The following ACSF3 variants were observed in gnomAD, a reference collection of about 807,000 sequenced individuals.
ACSF3 encodes the protein malonate--CoA ligase ACSF3, mitochondrial.
A neutral mutation model predicts 53.2 loss-of-function variants in ACSF3; 78 were observed. The observed-to-expected ratio is 1.47, with a 90% CI of 1.22 to 1.77. The LOEUF (loss-of-function observed/expected upper bound fraction) is 1.77, where lower values mean the gene tolerates loss of function less well. Among genes scored for constraint, ACSF3 ranks in the 40% most tolerant of loss-of-function variants. ACSF3 has a pLI of 0.00. For missense variants in ACSF3, 937 were observed against 771.1 expected, an observed-to-expected ratio of 1.22 and a Z score of -2.55; for synonymous variants, 414 against 333.1, an observed-to-expected ratio of 1.24 and a Z score of -2.65.
chr16:89,127,261 T>C (rs1430669099), intron 7 of ACSF3, among the ~76,000 whole-genome samples: 1 of 152,148 alleles, frequency 6.6e-6, no homozygotes, highest in Non-Finnish European at 1.5e-5. Flanking sequence ...CTCCTCTTTT[T>C]TTTTCTGGAA....
chr16:89,135,623 G>A (rs540350622), intron 8 of ACSF3, among the ~76,000 whole-genome samples: 8 of 152,344 alleles, frequency 5.3e-5, no homozygotes, highest in Admixed American at 2.6e-4. Context: ...CCCCATTAGC[G>A]CATGCTGATC....
chr16:89,151,261 A>C (rs1287572416), intron 10 of ACSF3: 1 of 449,780 alleles, frequency 2.2e-6, no homozygotes, highest in South Asian at 1.6e-5. Context: ...ACCAATTTAA[A>C]ACTGCAAAGC....
At chr16:89,150,762 C>G (rs973931969) in intron 10 of ACSF3, 1 of 352,510 alleles carries the variant, frequency 2.8e-6, no homozygotes, top group Non-Finnish European at 5.5e-6. Flanking sequence ...GAGCCAGGCC[C>G]TTGCTGTCCA....
intron 8 of ACSF3, among the ~76,000 whole-genome samples, chr16:89,134,121 AG>A (rs373035749): frequency 3.5e-4 from 54 of 152,320 alleles, no homozygotes; most frequent in African/African-American, 1.3e-3. Context: ...ATGTGTTACT[AG>A]GGGGTCCTTG....
intron 8 of ACSF3, among the ~76,000 whole-genome samples, chr16:89,138,155 C>G (rs190435997): frequency 0.011 from 1,627 of 152,332 alleles, 18 homozygotes; most frequent in Non-Finnish European, 0.017. Flanking sequence ...TGGGGACCGG[C>G]AGTGTCGTGG....
Position 89,154,274 on chromosome 16 carries a change from G to T in ACSF3, c.*67G>T, listed in dbSNP as rs1280742677. On this transcript the variant is annotated 3_prime_UTR_variant, in exon 11 of 11. Coordinates refer to ENST00000614302, the MANE Select transcript of ACSF3 (RefSeq NM_001243279.3). ...CGTCCCCTTCACACCGAGAACCACG[G>T]GGGCCCGTCCAAGACCTGGCCTCCC... 3 of 1,490,630 alleles carry T rather than the reference G, an allele frequency of 2.0e-6. No individual in the cohort carries two copies. The South Asian group carries it at 3.4e-5, about 17-fold the overall frequency. The allele number at this position is 1,490,630 out of a possible 1,614,324, so 92.3% of individuals were successfully genotyped here. A position where few individuals can be genotyped will look rare whatever the true frequency, so the allele number is the denominator to read the frequency against.
intron 2 of ACSF3, 131 bp downstream of exon 2, chr16:89,098,894 G>GTAGCATCAT: frequency 2.5e-6 from 1 of 405,850 alleles, no homozygotes; most frequent in Non-Finnish European, 5.0e-6. Flanking sequence ...GTATTAGACG[G>GTAGCATCAT]TAGCATCATT....
intron 7 of ACSF3, among the ~76,000 whole-genome samples, chr16:89,132,652 G>A (rs1228813304): frequency 2.6e-5 from 4 of 152,266 alleles, no homozygotes; most frequent in African/African-American, 9.6e-5. Flanking sequence ...TGTGGAGGGC[G>A]CTGCCCGCTC....
chr16:89,136,606 A>G, intron 8 of ACSF3: 1 of 1,286,522 alleles, frequency 7.8e-7, no homozygotes, highest in African/African-American at 1.5e-5. Flanking sequence ...ACAGCCAGGG[A>G]TGGCTGGACA....
intron 4 of ACSF3, among the ~76,000 whole-genome samples, chr16:89,107,473 CCGTTT>C (rs1597920652): frequency 1.3e-5 from 2 of 152,132 alleles, no homozygotes; most frequent in African/African-American, 2.4e-5. Context: ...CACGCGTGCT[CCGTTT>C]TCCGTGCCTC....
intron 7 of ACSF3, among the ~76,000 whole-genome samples, chr16:89,121,868 G>A (rs553323222): frequency 2.0e-5 from 3 of 152,352 alleles, no homozygotes; most frequent in Admixed American, 2.0e-4. Context: ...GTGGTTGGAC[G>A]TTTTAGCTCC....
At chr16:89,112,657 A>C (rs947164771) in intron 5 of ACSF3, among the ~76,000 whole-genome samples, 3 of 148,568 alleles carry the variant, frequency 2.0e-5, no homozygotes, top group East Asian at 3.9e-4. Flanking sequence ...CTCTTTCTCT[A>C]TCTCTCCTGT....
At chr16:89,101,830 A>G (rs1315214503) in intron 3 of ACSF3, among the ~76,000 whole-genome samples, 4 of 152,238 alleles carry the variant, frequency 2.6e-5, no homozygotes, top group Admixed American at 2.0e-4. Context: ...GAAGCAATCA[A>G]GTAAAAATGA....
In ACSF3 at chr16:89,134,983, G is replaced by A. The variant is rs569919961; in HGVS notation, c.1366+1721G>A. ...GGACACACGTGGTTGTGTGGCTGCA[G>A]GTACTCACTGTAGTGTATTTATCCG... On this transcript the variant is annotated intron_variant, in intron 8 of 10. Transcript: ENST00000614302. 1.1e-3 allele frequency among the ~76,000 whole-genome samples: 172 copies of A among 152,254 alleles called. 1 individual carries two copies. The highest frequency in any genetic ancestry group is 6.4e-3 in the South Asian group (31 of 4,830).
At position 89,100,730 on chromosome 16, in the gene ACSF3, G is replaced by A; in HGVS notation, c.49G>A (p.Ala17Thr). The A allele has an allele frequency of 6.2e-7, 1 of 1,603,838 alleles. No individual in the cohort carries two copies. Among genetic ancestry groups the A allele is most frequent in the Admixed American group, 1.7e-5 (1 of 59,990 alleles). ...LTFRRLGCAL[A>T]SCRLAPARHR... ...CTTCCGGCGCCTGGGCTGCGCCTTG[G>A]CGTCCTGCCGGCTGGCGCCTGCGAG... The change falls in exon 3 of 11, where the codon GCG becomes ACG. Residue 17 changes from alanine to threonine, a missense_variant. Ala to Thr is a moderately conservative substitution (Grantham distance 58, BLOSUM62 0). Coordinates refer to ENST00000614302, the MANE Select transcript of ACSF3 (RefSeq NM_001243279.3).
At position 89,155,992 on chromosome 16, in the gene ACSF3, CGTTGACCAGCCG is replaced by C. The variant is rs1329588463; in HGVS notation, c.*1795_*1806del. On this transcript the variant is annotated 3_prime_UTR_variant, in exon 11 of 11. Transcript: ENST00000614302. ...CACAAACTACAGAAAGCCTGGAGCTCGTTGACCAGCCGGTTGACCAGAATACGGTGCTCCAAG... is the reference window on the plus strand; with the variant it reads ...CACAAACTACAGAAAGCCTGGAGCTCGTTGACCAGAATACGGTGCTCCAAG... 1.9e-5 allele frequency: 7 copies of C among 360,068 alleles called. No individual in the cohort carries two copies. The highest frequency in any genetic ancestry group is 6.5e-5 in the South Asian group (3 of 46,492). 22.3% of individuals were successfully genotyped at this position (360,068 alleles called of 1,614,324 possible).
At chr16:89,134,124 G>C (rs962831898) in intron 8 of ACSF3, among the ~76,000 whole-genome samples, 1 of 152,336 alleles carries the variant, frequency 6.6e-6, no homozygotes, top group East Asian at 1.9e-4. Flanking sequence ...TGTTACTAGG[G>C]GGTCCTTGCT....
At chr16:89,115,476 G>T (rs1218823213) in intron 6 of ACSF3, among the ~76,000 whole-genome samples, 1 of 152,228 alleles carries the variant, frequency 6.6e-6, no homozygotes, top group African/African-American at 2.4e-5. Context: ...AACTGCCTGT[G>T]CTGTGTGCGT....
chr16:89,147,541 G>GGCC (rs1913318547), intron 10 of ACSF3: 1 of 63,010 alleles, frequency 1.6e-5, no homozygotes, highest in Admixed American at 1.7e-4. Flanking sequence ...GGGGGGAGGG[G>GGCC]CCACAGAGCG....
Sources: allele counts gnomAD v4.1 joint callset (sites outside exome capture counted in the v4.1 genomes callset), GRCh38; gene constraint gnomAD v4.1.1; transcripts MANE v1.5; gene names NCBI Gene and HGNC (gene_info 2026-07-23, HGNC 2026-07-21).